The following SMG6 variants were observed in gnomAD, a reference collection of about 807,000 sequenced individuals.
The protein encoded by SMG6 is telomerase-binding protein EST1A.
A neutral mutation model predicts 142.2 loss-of-function variants in SMG6; 66 were observed. That is an observed-to-expected ratio of 0.46 (90% CI 0.38 to 0.57). SMG6 has a LOEUF of 0.57. Ranked by LOEUF, SMG6 falls within the 20% of genes least tolerant of loss-of-function variation. SMG6 has a pLI of 0.00. For missense variants in SMG6, 1,793 were observed against 1,832.0 expected, an observed-to-expected ratio of 0.98 and a Z score of 0.39; for synonymous variants, 779 against 702.4, an observed-to-expected ratio of 1.11 and a Z score of -1.72.
chr17:2,247,508 C>T (rs1380041085), intron 8 of SMG6, among the ~76,000 whole-genome samples: 1 of 152,158 alleles, frequency 6.6e-6, no homozygotes, highest in African/African-American at 2.4e-5. Flanking sequence ...ACTTGTACAG[C>T]CGGGTGCAGT....
chr17:2,188,437 A>G lies in SMG6; in HGVS notation c.2948T>C (p.Val983Ala), dbSNP rs750830948. 2 of 1,614,100 alleles carry G rather than the reference A, an allele frequency of 1.2e-6. No individual in the cohort carries two copies. Among genetic ancestry groups the G allele is most frequent in the East Asian group, 2.2e-5 (1 of 44,872 alleles). ...ALGLAMFSLLVRRCTCLLKES... is the reference protein window; with the variant it reads ...ALGLAMFSLLARRCTCLLKES... ...CTTAAGTAAGCAGGTGCAGCGGCGG[A>G]CCAGTAGAGAAAACATGGCCAAGCC... is the stretch of plus-strand genomic sequence containing the variant. Residue 983 changes from valine (V) to alanine (A), a missense_variant, in exon 11 of 19, where the codon GTC (valine) becomes GCC (alanine). Physicochemically the swap from Val to Ala is moderately conservative, Grantham distance 64. Transcript: ENST00000263073.
intron 8 of SMG6, among the ~76,000 whole-genome samples, chr17:2,252,626 A>T (rs1181124982): frequency 7.9e-5 from 12 of 152,322 alleles, no homozygotes; most frequent in Admixed American, 5.2e-4. Flanking sequence ...CAGTTAAATG[A>T]GTGAGATCAG....
At chr17:2,281,576 G>A (rs1386158653) in intron 8 of SMG6, among the ~76,000 whole-genome samples, 1 of 152,072 alleles carries the variant, frequency 6.6e-6, no homozygotes, top group Non-Finnish European at 1.5e-5. Flanking sequence ...TGGAACTACC[G>A]CAGCACCCTC....
At chr17:2,221,507 C>T (rs1232997175) in intron 10 of SMG6, among the ~76,000 whole-genome samples, 1 of 152,148 alleles carries the variant, frequency 6.6e-6, no homozygotes, top group Non-Finnish European at 1.5e-5. Context: ...AATTACCCAG[C>T]CTCAGGTATG....
intron 13 of SMG6, among the ~76,000 whole-genome samples, chr17:2,110,081 C>CAAAAAAAAAAAAAAAAAAA (rs57135671): frequency 1.1e-5 from 1 of 87,912 alleles, no homozygotes; most frequent in East Asian, 3.8e-4. Flanking sequence ...GATTCCATCT[C>CAAAAAAAAAAAAAAAAAAA]AAAAAAAAAA....
rs368469480 is a variant in SMG6, at chr17:2,069,892, G to A, written c.3682-961C>T. ...CCAGCTACACTATTATTTACTCGAC[G>A]TTTTTCTTTAAACTGACTTTGTCAC... On this transcript the variant is annotated intron_variant, in intron 15 of 18. Transcript: ENST00000263073. Among the ~76,000 whole-genome samples the A allele has an allele frequency of 5.9e-5, 9 of 152,206 alleles. No homozygotes were observed. The South Asian group carries it at 1.7e-3, about 28-fold the overall frequency.
intron 8 of SMG6, among the ~76,000 whole-genome samples, chr17:2,281,123 G>A (rs1027646449): frequency 6.6e-6 from 1 of 152,184 alleles, no homozygotes. Flanking sequence ...CAGTGGTGCA[G>A]CCTTGACGCT....
Position 2,060,328 on chromosome 17 carries a change from A to C in SMG6, c.*1164T>G, listed in dbSNP as rs542562758. On this transcript the variant is annotated 3_prime_UTR_variant, in exon 19 of 19. Coordinates refer to ENST00000263073, the MANE Select transcript of SMG6 (RefSeq NM_017575.5). Reference sequence around the variant, plus strand: ...GGGGCAAGGAAAGGGCCCCTGTGTCAGTGTCAGTTTTTCCGGGGAGTGAGG... The same window carrying C: ...GGGGCAAGGAAAGGGCCCCTGTGTCCGTGTCAGTTTTTCCGGGGAGTGAGG... 6.6e-6 allele frequency: 1 copy of C among 152,368 alleles called. No individual in the cohort carries two copies. The highest frequency in any genetic ancestry group is 2.4e-5 in the African/African-American group (1 of 41,572). The allele number at this position is 152,368 out of a possible 1,614,324, so 9.4% of individuals were successfully genotyped here.
At chr17:2,090,951 G>C (rs2068699778) in intron 13 of SMG6, among the ~76,000 whole-genome samples, 1 of 152,190 alleles carries the variant, frequency 6.6e-6, no homozygotes, top group Non-Finnish European at 1.5e-5. Flanking sequence ...CAACACCAAG[G>C]CTGGTAAAAT....
intron 10 of SMG6, 107 bp downstream of exon 10, chr17:2,236,385 G>C: frequency 7.2e-6 from 8 of 1,106,572 alleles, no homozygotes; most frequent in Non-Finnish European, 9.2e-6. Flanking sequence ...GTGTGTTCGG[G>C]GGTGGGGTGG....
intron 8 of SMG6, among the ~76,000 whole-genome samples, chr17:2,282,390 C>CAAAAAAAAA (rs576759563): frequency 2.4e-5 from 2 of 84,526 alleles, no homozygotes; most frequent in Middle Eastern, 7.6e-3. Flanking sequence ...CAAAAAGCAG[C>CAAAAAAAAA]AAAAAAAAAA....
chr17:2,119,364 T>C (rs1567612259), intron 13 of SMG6, among the ~76,000 whole-genome samples: 1 of 151,628 alleles, frequency 6.6e-6, no homozygotes, highest in Admixed American at 6.6e-5. Context: ...GCCATAATTT[T>C]TGTATTTTTA....
Position 2,283,635 on chromosome 17 carries a change from G to T in SMG6, c.2438C>A (p.Thr813Asn). 1.2e-6 allele frequency: 2 copies of T among 1,613,740 alleles called. No homozygotes were observed. Among genetic ancestry groups the T allele is most frequent in the Non-Finnish European group, 1.7e-6 (2 of 1,179,724 alleles). The change falls in exon 7 of 19, where the codon ACC (threonine) becomes AAC (asparagine). Residue 813 changes from threonine (T) to asparagine (N), a missense_variant. Transcript: ENST00000263073. ...CACATCCCCACTCACCTTCCGCTTGGTCTCTTCAAACAAGCTCATGAGACT... is the reference window on the plus strand; with the variant it reads ...CACATCCCCACTCACCTTCCGCTTGTTCTCTTCAAACAAGCTCATGAGACT... The part of the protein sequence containing the change: ...KESLMSLFEE[T>N]KRKAEQMEKK...
intron 8 of SMG6, among the ~76,000 whole-genome samples, chr17:2,267,506 T>C (rs904620794): frequency 1.3e-5 from 2 of 152,084 alleles, no homozygotes; most frequent in African/African-American, 4.8e-5. Context: ...CAGCAAGATA[T>C]GGAGTCTTTA....
intron 8 of SMG6, among the ~76,000 whole-genome samples, chr17:2,281,019 ACT>A (rs1005295523): frequency 9.9e-5 from 15 of 152,142 alleles, no homozygotes; most frequent in African/African-American, 3.6e-4. Flanking sequence ...GCATCACTGC[ACT>A]CTGGCCTGAG....
chr17:2,174,999 C>T (rs1246943205), intron 12 of SMG6, among the ~76,000 whole-genome samples: 4 of 152,168 alleles, frequency 2.6e-5, no homozygotes, highest in African/African-American at 7.2e-5. Flanking sequence ...CCTCCGGTCC[C>T]GGCTGCAGAG....
intron 4 of SMG6, among the ~76,000 whole-genome samples, chr17:2,295,045 T>C (rs2075116811): frequency 6.6e-6 from 1 of 152,016 alleles, no homozygotes; most frequent in Non-Finnish European, 1.5e-5. Flanking sequence ...CCCAGCTAAT[T>C]TTTGTATTTT....
At chr17:2,186,078 A>G (rs2071972891) in intron 12 of SMG6, among the ~76,000 whole-genome samples, 1 of 151,980 alleles carries the variant, frequency 6.6e-6, no homozygotes, top group Non-Finnish European at 1.5e-5. Flanking sequence ...AATACAAAAA[A>G]TGAGCCAGGC....
intron 15 of SMG6, among the ~76,000 whole-genome samples, chr17:2,070,261 A>G (rs576854888): frequency 1.3e-5 from 2 of 152,310 alleles, no homozygotes; most frequent in South Asian, 4.1e-4. Context: ...GAACATGGCC[A>G]CTACTGCACT....
Sources: allele counts gnomAD v4.1 joint callset (sites outside exome capture counted in the v4.1 genomes callset), GRCh38; gene constraint gnomAD v4.1.1; transcripts MANE v1.5; gene names NCBI Gene and HGNC (gene_info 2026-07-23, HGNC 2026-07-21).